GSR: variants seen among roughly 807,000 people sequenced by gnomAD.
GSR encodes the protein glutathione-disulfide reductase, also known as glutathione reductase, mitochondrial.
Under a neutral mutation model 56.5 loss-of-function variants are expected in GSR, and 48 were observed. The ratio of observed to expected loss-of-function variants is 0.85; its 90% CI spans 0.67 to 1.08. GSR has a LOEUF of 1.08. GSR is among the 50% of genes least tolerant of loss of function. GSR has a pLI of 0.00. For missense variants in GSR, 694 were observed against 703.3 expected, an observed-to-expected ratio of 0.99 and a Z score of 0.15; for synonymous variants, 264 against 270.8, an observed-to-expected ratio of 0.97 and a Z score of 0.25.
rs529329006 is a variant in GSR, at chr8:30,680,092, CTT to C, written c.1420-425_1420-424del. Among the ~76,000 whole-genome samples, 405 of 152,266 alleles carry C rather than the reference CTT, an allele frequency of 2.7e-3. 2 individuals are homozygous for C. Among genetic ancestry groups the C allele is most frequent in the African/African-American group, 9.1e-3 (379 of 41,558 alleles). On this transcript the variant is annotated intron_variant, in intron 12 of 12. Transcript: ENST00000221130. ...TCCTCTCTATATAGCAGTTCTTAGT[CTT>C]GAGAAGAATGACAAATAATGTTTAT...
At chr8:30,697,416 A>AAAAAC (rs1319526564) in intron 6 of GSR, among the ~76,000 whole-genome samples, 4 of 101,574 alleles carry the variant, frequency 3.9e-5, no homozygotes, top group African/African-American at 6.5e-5. Flanking sequence ...TCTGTCTCAA[A>AAAAAC]AAAACAAAAC....
intron 11 of GSR, among the ~76,000 whole-genome samples, chr8:30,681,263 C>G (rs1346745085): frequency 2.0e-5 from 3 of 152,198 alleles, no homozygotes; most frequent in African/African-American, 7.2e-5. Context: ...GGCACAGTGG[C>G]TCATGCCTGT....
At chr8:30,680,596 C>T (rs181697634) in intron 12 of GSR, among the ~76,000 whole-genome samples, 102 of 151,792 alleles carry the variant, frequency 6.7e-4, no homozygotes, top group African/African-American at 2.3e-3. Context: ...GGTTTCACCA[C>T]GTTGGTCAGG....
At position 30,712,062 on chromosome 8, in the gene GSR, CT is replaced by C. The variant is rs34855738; in HGVS notation, c.332del (p.Lys111ArgfsTer2). On this transcript the variant is annotated frameshift_variant and splice_region_variant, in exon 2 of 13. Coordinates refer to ENST00000221130, the MANE Select transcript of GSR (RefSeq NM_000637.5). LOFTEE classifies it high-confidence loss of function. ...AGGGAAAGAGAAATAAAAATTCTAC[CT>C]TTTTGGGTACACATCCAACATTCAC... Reference protein sequence around the residue: ...TCVNVGCVPKKVMWNTAVHSE... With the variant: ...TCVNVGCVPKXVMWNTAVHSE... The C allele has an allele frequency of 5.0e-6, 7 of 1,405,752 alleles. No individual in the cohort carries two copies. The highest frequency in any genetic ancestry group is 7.0e-6 in the Non-Finnish European group (7 of 997,596). The allele number at this position is 1,405,752 out of a possible 1,614,324, so 87.1% of individuals were successfully genotyped here. A position where few individuals can be genotyped will look rare whatever the true frequency, so the allele number is the denominator to read the frequency against.
At chr8:30,725,159 T>C (rs1341346663) in intron 1 of GSR, among the ~76,000 whole-genome samples, 1 of 152,066 alleles carries the variant, frequency 6.6e-6, no homozygotes, top group East Asian at 1.9e-4. Context: ...ATACAAAAAA[T>C]GGGACAGGAG....
chr8:30,684,593 T>C (rs972594620), intron 9 of GSR, among the ~76,000 whole-genome samples: 2 of 152,298 alleles, frequency 1.3e-5, no homozygotes, highest in Admixed American at 6.5e-5. Flanking sequence ...GACATTGCAA[T>C]GTACAATTCA....
chr8:30,714,480 C>T (rs1231195170), intron 1 of GSR, among the ~76,000 whole-genome samples: 8 of 150,910 alleles, frequency 5.3e-5, no homozygotes, highest in Admixed American at 1.3e-4. Flanking sequence ...GGATTACAGG[C>T]GTGAGCCATC....
At chr8:30,683,946 T>C in intron 10 of GSR, 142 bp downstream of exon 10, 1 of 731,812 alleles carries the variant, frequency 1.4e-6, no homozygotes, top group Admixed American at 1.9e-5. Context: ...AATATCTATT[T>C]CAACACATTG....
At chr8:30,718,569 C>A (rs1207037933) in intron 1 of GSR, among the ~76,000 whole-genome samples, 1 of 152,060 alleles carries the variant, frequency 6.6e-6, no homozygotes, top group Non-Finnish European at 1.5e-5. Context: ...TCCCCAGGGG[C>A]CTTCCTACCT....
intron 6 of GSR, among the ~76,000 whole-genome samples, chr8:30,697,535 G>A (rs914363413): frequency 6.6e-6 from 1 of 152,166 alleles, no homozygotes; most frequent in Non-Finnish European, 1.5e-5. Flanking sequence ...GGCTGAGGCA[G>A]GAGGATAACT....
intron 1 of GSR, among the ~76,000 whole-genome samples, chr8:30,713,423 A>T (rs1038743130): frequency 2.0e-5 from 3 of 151,658 alleles, no homozygotes; most frequent in African/African-American, 7.3e-5. Flanking sequence ...TAGTGGCAAG[A>T]TCTCAGCTCA....
At chr8:30,681,830 C>T in intron 11 of GSR, 100 bp downstream of exon 11, 2 of 1,112,946 alleles carry the variant, frequency 1.8e-6, no homozygotes, top group Non-Finnish European at 2.7e-6. Flanking sequence ...TAATCTGGGG[C>T]TGAGATAGGT....
intron 4 of GSR, among the ~76,000 whole-genome samples, chr8:30,704,449 G>C (rs529318924): frequency 6.6e-6 from 1 of 152,192 alleles, no homozygotes; most frequent in African/African-American, 2.4e-5. Context: ...CGCAATGCTT[G>C]TGCTTTCGTA....
intron 1 of GSR, among the ~76,000 whole-genome samples, chr8:30,717,531 A>G (rs1222166357): frequency 6.6e-6 from 1 of 152,060 alleles, no homozygotes; most frequent in East Asian, 1.9e-4. Context: ...TTACTGCCTG[A>G]GCTCCACCCA....
At chr8:30,696,821 G>A (rs1376860224) in intron 6 of GSR, among the ~76,000 whole-genome samples, 1 of 152,006 alleles carries the variant, frequency 6.6e-6, no homozygotes, top group Non-Finnish European at 1.5e-5. Flanking sequence ...TCAGCCTCCT[G>A]AGTAGCTGGG....
At chr8:30,702,874 G>A (rs1269958153) in intron 5 of GSR, among the ~76,000 whole-genome samples, 1 of 152,186 alleles carries the variant, frequency 6.6e-6, no homozygotes, top group Non-Finnish European at 1.5e-5. Flanking sequence ...GGAGGCGGAG[G>A]TAGCAGTGAG....
intron 1 of GSR, among the ~76,000 whole-genome samples, chr8:30,717,222 A>G (rs1014789473): frequency 2.0e-5 from 3 of 148,594 alleles, no homozygotes; most frequent in Admixed American, 1.4e-4. Context: ...GGGCAACAAG[A>G]GCGAAACTCT....
At chr8:30,703,366 T>C in intron 4 of GSR, 126 bp from the exon 5 acceptor site, 2 of 942,890 alleles carry the variant, frequency 2.1e-6, no homozygotes, top group East Asian at 2.5e-5. Flanking sequence ...CCAACACAAT[T>C]CTCCGTTTTT....
At chr8:30,700,055 A>C (rs372759867) in intron 6 of GSR, 26 bp downstream of exon 6, 13 of 1,569,624 alleles carry the variant, frequency 8.3e-6, no homozygotes, top group Admixed American at 1.7e-5. Flanking sequence ...AGAATGAGTC[A>C]CTGAGGTCAG....
Sources: allele counts gnomAD v4.1 joint callset (sites outside exome capture counted in the v4.1 genomes callset), GRCh38; gene constraint gnomAD v4.1.1; transcripts MANE v1.5; gene names NCBI Gene and HGNC (gene_info 2026-07-23, HGNC 2026-07-21).